Variants in CNBD1 observed in about 807,000 individuals in gnomAD.
CNBD1 encodes the protein cyclic nucleotide binding domain containing 1.
In CNBD1, 71 loss-of-function variants were observed where a neutral mutation model predicts 54.4. That is an observed-to-expected ratio of 1.30 (90% CI 1.08 to 1.59). CNBD1 has a LOEUF of 1.59. CNBD1 is among the 40% of genes most tolerant of loss of function. The pLI, the probability that CNBD1 is intolerant of heterozygous loss-of-function variation, is 0.00. For synonymous variants in CNBD1, 182 were observed against 170.7 expected (o/e 1.07, Z -0.51); for missense variants, 659 against 518.0 (o/e 1.27, Z -2.64).
intron 4 of CNBD1, among the ~76,000 whole-genome samples, chr8:87,089,623 A>C (rs1188952843): frequency 6.6e-6 from 1 of 152,096 alleles, no homozygotes. Flanking sequence ...AGTGATTTGA[A>C]GATGCTTCTT....
intron 4 of CNBD1, among the ~76,000 whole-genome samples, chr8:87,005,400 T>A (rs547110563): frequency 9.9e-5 from 15 of 152,136 alleles, no homozygotes; most frequent in African/African-American, 3.6e-4. Flanking sequence ...TCACCAAATC[T>A]ATATTTTGTG....
intron 8 of CNBD1, among the ~76,000 whole-genome samples, chr8:87,334,252 C>G (rs1809895383): frequency 6.6e-6 from 1 of 151,784 alleles, no homozygotes; most frequent in Non-Finnish European, 1.5e-5. Context: ...TTTATTGTGT[C>G]TATTTGATTC....
At chr8:87,204,270 G>A (rs1325725305) in intron 4 of CNBD1, among the ~76,000 whole-genome samples, 1 of 152,152 alleles carries the variant, frequency 6.6e-6, no homozygotes, top group African/African-American at 2.4e-5. Context: ...TTATGTTGTA[G>A]ACATTGTTTT....
At chr8:87,248,205 A>G (rs536221944) in intron 6 of CNBD1, among the ~76,000 whole-genome samples, 4 of 152,180 alleles carry the variant, frequency 2.6e-5, no homozygotes, top group Non-Finnish European at 5.9e-5. Context: ...GTTGTGTACC[A>G]TGGTGACTCA....
rs113421813 is a variant in CNBD1, at chr8:87,346,054, T to TG, written c.1043-5624dup. ...ATTTTCTTTTTTTTTCTTTTTTTTG[T>TG]GGGGGGGACAGAGTTTCACTCTTGT... On this transcript the variant is annotated intron_variant, in intron 8 of 10. Transcript: ENST00000518476. Among the ~76,000 whole-genome samples, 593 of 152,008 alleles carry TG rather than the reference T, an allele frequency of 3.9e-3. 6 individuals carry two copies. Among genetic ancestry groups the TG allele is most frequent in the African/African-American group, 0.013 (559 of 41,468 alleles).
intron 6 of CNBD1, among the ~76,000 whole-genome samples, chr8:87,255,558 G>T (rs12155787): frequency 0.29 from 44,623 of 151,472 alleles, 7,244 homozygotes; most frequent in African/African-American, 0.43. Context: ...ATATAATCAG[G>T]TTTTTAAAAA....
chr8:87,143,748 G>A (rs867973955), intron 4 of CNBD1, among the ~76,000 whole-genome samples: 11 of 152,148 alleles, frequency 7.2e-5, no homozygotes, highest in South Asian at 2.1e-4. Context: ...ATGTGAAATA[G>A]TAATGTTTTC....
intron 2 of CNBD1, among the ~76,000 whole-genome samples, chr8:87,425,329 A>T (rs1185449077): frequency 5.3e-5 from 8 of 152,128 alleles, no homozygotes; most frequent in Non-Finnish European, 1.2e-4. Context: ...CTCGTCAGTC[A>T]TTCTCCGTCC....
intron 2 of CNBD1, among the ~76,000 whole-genome samples, chr8:87,420,749 T>G (rs929863927): frequency 3.9e-5 from 6 of 152,022 alleles, no homozygotes; most frequent in Non-Finnish European, 8.8e-5. Flanking sequence ...CTTTCCCTGC[T>G]ATAAATTGTT....
intron 2 of CNBD1, among the ~76,000 whole-genome samples, chr8:87,420,491 A>G (rs1293750693): frequency 2.6e-5 from 4 of 152,072 alleles, no homozygotes; most frequent in Non-Finnish European, 5.9e-5. Context: ...AAATGTTGTG[A>G]GAAAAAAAGA....
intron 4 of CNBD1, among the ~76,000 whole-genome samples, chr8:87,191,797 A>G (rs1338239041): frequency 6.6e-6 from 1 of 152,204 alleles, no homozygotes; most frequent in Non-Finnish European, 1.5e-5. Flanking sequence ...ACGAAGTAAC[A>G]GGGCTTATAG....
chr8:87,257,381 A>AAAAAAAAAAT (rs1808044908), intron 6 of CNBD1, among the ~76,000 whole-genome samples: 2 of 151,756 alleles, frequency 1.3e-5, no homozygotes, highest in African/African-American at 4.8e-5. Flanking sequence ...AAAAAAAAAA[A>AAAAAAAAAAT]AAAAGGAAAT....
intron 4 of CNBD1, among the ~76,000 whole-genome samples, chr8:87,078,507 CT>C (rs1204182391): frequency 1.3e-5 from 2 of 152,160 alleles, no homozygotes; most frequent in Non-Finnish European, 2.9e-5. Flanking sequence ...GTTTTAATGT[CT>C]CCTCTACAAA....
intron 8 of CNBD1, among the ~76,000 whole-genome samples, chr8:87,342,733 G>T (rs1586030818): frequency 6.6e-6 from 1 of 152,098 alleles, no homozygotes; most frequent in Non-Finnish European, 1.5e-5. Flanking sequence ...TTTCAGAAGG[G>T]GAGGGGGCAC....
At chr8:87,185,376 G>A (rs1299727298) in intron 4 of CNBD1, among the ~76,000 whole-genome samples, 1 of 151,860 alleles carries the variant, frequency 6.6e-6, no homozygotes, top group African/African-American at 2.4e-5. Context: ...TTTTTTATTG[G>A]GTGCCAGTTA....
At chr8:87,358,906 C>A (rs1013503385) in intron 10 of CNBD1, among the ~76,000 whole-genome samples, 7 of 152,138 alleles carry the variant, frequency 4.6e-5, no homozygotes, top group African/African-American at 1.7e-4. Flanking sequence ...GACAGAATTC[C>A]TCTGCCTTTT....
chr8:87,375,608 G>A (rs1470025973), intron 10 of CNBD1, among the ~76,000 whole-genome samples: 3 of 151,776 alleles, frequency 2.0e-5, no homozygotes, highest in African/African-American at 4.8e-5. Flanking sequence ...CCGAATCAAG[G>A]TTATTAGATT....
intron 4 of CNBD1, among the ~76,000 whole-genome samples, chr8:87,075,643 C>A (rs1485748193): frequency 6.6e-6 from 1 of 152,106 alleles, no homozygotes; most frequent in Non-Finnish European, 1.5e-5. Context: ...GCTTCTATCT[C>A]TTTGGCCATA....
chr8:86,958,900 G>T (rs1391911415), intron 4 of CNBD1, among the ~76,000 whole-genome samples: 1 of 152,142 alleles, frequency 6.6e-6, no homozygotes, highest in Non-Finnish European at 1.5e-5. Flanking sequence ...TTACTCATTA[G>T]TTGGTTATTT....
Sources: gnomAD v4.1 joint callset for allele counts (sites outside exome capture counted in the v4.1 genomes callset) on GRCh38, gnomAD v4.1.1 for gene constraint, MANE v1.5 for transcripts, NCBI Gene and HGNC (gene_info 2026-07-23, HGNC 2026-07-21) for gene names.